Variants in RERE observed in about 807,000 individuals in gnomAD.
RERE encodes arginine-glutamic acid dipeptide repeats protein.
A neutral mutation model predicts 146.1 loss-of-function variants in RERE; 40 were observed. The ratio of observed to expected loss-of-function variants is 0.27; its 90% CI spans 0.21 to 0.36. The LOEUF is 0.36. Ranked by LOEUF, RERE falls within the 10% of genes least tolerant of loss-of-function variation. The pLI, the probability that RERE is intolerant of heterozygous loss-of-function variation, is 1.00. For synonymous variants in RERE, 1,003 were observed against 866.0 expected, an observed-to-expected ratio of 1.16 and a Z score of -2.78; for missense variants, 1,933 against 2,138.7, an observed-to-expected ratio of 0.90 and a Z score of 1.90.
At chr1:8,398,129 A>C (rs1039088668) in intron 12 of RERE, among the ~76,000 whole-genome samples, 1 of 152,248 alleles carries the variant, frequency 6.6e-6, no homozygotes, top group Admixed American at 6.5e-5. Context: ...GAAGGAAATT[A>C]AGTTTAAAAA....
intron 1 of RERE, among the ~76,000 whole-genome samples, chr1:8,811,496 T>C (rs1641805651): frequency 6.6e-6 from 1 of 152,142 alleles, no homozygotes; most frequent in Non-Finnish European, 1.5e-5. Flanking sequence ...CAGTCCCAGC[T>C]ACTCGGGAGG....
At chr1:8,604,602 G>GGA (rs1557428933) in intron 4 of RERE, among the ~76,000 whole-genome samples, 2 of 78,320 alleles carry the variant, frequency 2.6e-5, no homozygotes. Context: ...GGAAGGAAGG[G>GGA]AGGGAGGGAG....
In RERE at chr1:8,744,093, G is replaced by C. The variant is rs1640371703; in HGVS notation, c.-145+73067C>G. ...AAATTAATCTTAATACTGATGCTGT[G>C]AAATGAAAAGCTCTCAAAGTGGGAG... On this transcript the variant is annotated intron_variant, in intron 1 of 22. Transcript: ENST00000400908. Among the ~76,000 whole-genome samples, 6 of 152,284 alleles carry C rather than the reference G, an allele frequency of 3.9e-5. No individual in the cohort carries two copies. The South Asian group carries it at 1.2e-3, about 32-fold the overall frequency.
intron 2 of RERE, among the ~76,000 whole-genome samples, chr1:8,637,088 C>T (rs1647111254): frequency 6.6e-6 from 1 of 151,920 alleles, no homozygotes; most frequent in East Asian, 1.9e-4. Flanking sequence ...ACAGAAAAAG[C>T]TAGGAACAGA....
At chr1:8,630,844 CTG>C (rs1296946305) in intron 2 of RERE, among the ~76,000 whole-genome samples, 2 of 152,216 alleles carry the variant, frequency 1.3e-5, no homozygotes, top group African/African-American at 4.8e-5. Flanking sequence ...TGTTTATCAA[CTG>C]TTATCAAAAT....
chr1:8,799,812 G>GT (rs1191943360), intron 1 of RERE, among the ~76,000 whole-genome samples: 4 of 142,698 alleles, frequency 2.8e-5, no homozygotes, highest in African/African-American at 7.3e-5. Flanking sequence ...TTTGGTTTTG[G>GT]TTTTTTTGCT....
At chr1:8,694,114 G>A (rs1470615334) in intron 1 of RERE, among the ~76,000 whole-genome samples, 1 of 150,450 alleles carries the variant, frequency 6.6e-6, no homozygotes, top group Non-Finnish European at 1.5e-5. Context: ...AAAGAGCCAG[G>A]AAGTGCTAGC....
chr1:8,757,058 C>A (rs754972329), intron 1 of RERE, among the ~76,000 whole-genome samples: 1 of 145,974 alleles, frequency 6.9e-6, no homozygotes, highest in Non-Finnish European at 1.5e-5. Flanking sequence ...CCATTGCACT[C>A]CAACCTGGGC....
At chr1:8,789,301 A>AAAAAAAAAAAAATAT in intron 1 of RERE, among the ~76,000 whole-genome samples, 9 of 24,804 alleles carry the variant, frequency 3.6e-4, no homozygotes, top group Middle Eastern at 0.021. Context: ...AAAAAAAAAA[A>AAAAAAAAAAAAATAT]ATATATATAT....
Position 8,770,963 on chromosome 1 carries a change from A to T in RERE, c.-145+46197T>A, listed in dbSNP as rs1034586631. Among the ~76,000 whole-genome samples the T allele has an allele frequency of 3.3e-5, 5 of 152,164 alleles. 1 individual carries two copies. The East Asian group carries it at 9.6e-4, about 29-fold the overall frequency. ...ACCTGTAATTATTAAAAAATAAACTATGTGTGCACCTATTTGGGGAAATGT... is the reference window on the plus strand; with the variant it reads ...ACCTGTAATTATTAAAAAATAAACTTTGTGTGCACCTATTTGGGGAAATGT... On this transcript the variant is annotated intron_variant, in intron 1 of 22. Transcript: ENST00000400908.
rs756553435 is a variant in RERE at position 8,361,814 on chromosome 1, G to A, written c.1965C>T (p.Ala655=). The part of the protein sequence containing the change: ...KSNKRQREKV[A]SDTEEADRTS... ...TCCTGTCAGCCTCCTCCGTATCAGAGGCCACCTTCTCCCGCTGGCGTTTGT... is the reference window on the plus strand; with the variant it reads ...TCCTGTCAGCCTCCTCCGTATCAGAAGCCACCTTCTCCCGCTGGCGTTTGT... Residue 655 remains alanine (A), a synonymous_variant, in exon 17 of 23, where the codon GCC becomes GCT. Transcript: ENST00000400908. 7 of 1,614,124 alleles carry A rather than the reference G, an allele frequency of 4.3e-6. No individual in the cohort carries two copies. Among genetic ancestry groups the A allele is most frequent in the East Asian group, 2.2e-5 (1 of 44,886 alleles).
intron 3 of RERE, among the ~76,000 whole-genome samples, chr1:8,618,827 T>C (rs1316630003): frequency 2.6e-5 from 4 of 152,222 alleles, no homozygotes; most frequent in African/African-American, 9.6e-5. Flanking sequence ...TCTTGTTACT[T>C]TTAATCCATT....
At chr1:8,565,832 G>A (rs147899581) in intron 4 of RERE, among the ~76,000 whole-genome samples, 162 of 152,314 alleles carry the variant, frequency 1.1e-3, no homozygotes, top group African/African-American at 3.8e-3. Context: ...CTAAAGCAGA[G>A]TATACCACCA....
At position 8,364,661 on chromosome 1, in the gene RERE, G is replaced by T; in HGVS notation, c.1540+85C>A. ...TCAAATCAAGTACTGTCCCTGGCAG[G>T]TTTCCAGCTGGATGCATGAAATGTT... On this transcript the variant is annotated intron_variant, in intron 14 of 22. Coordinates refer to ENST00000400908, the MANE Select transcript of RERE (RefSeq NM_001042681.2). This position sits in a 1 kb window ranked among gnomAD's most constrained non-coding sequence, Gnocchi z 5.1. 1 of 961,586 alleles carries T rather than the reference G, an allele frequency of 1.0e-6. No homozygotes were observed. The highest frequency in any genetic ancestry group is 1.7e-6 in the Non-Finnish European group (1 of 595,460). The allele number at this position is 961,586 out of a possible 1,614,324, so 59.6% of individuals were successfully genotyped here.
intron 2 of RERE, among the ~76,000 whole-genome samples, chr1:8,653,856 A>G (rs1397124924): frequency 1.3e-5 from 2 of 152,166 alleles, no homozygotes; most frequent in African/African-American, 4.8e-5. Context: ...AAAGATAAAT[A>G]CAGACAGTAC....
chr1:8,632,766 T>C (rs1647049816), intron 2 of RERE, among the ~76,000 whole-genome samples: 1 of 152,244 alleles, frequency 6.6e-6, no homozygotes, highest in Non-Finnish European at 1.5e-5. Context: ...TTGTTAAGAC[T>C]AATGTACATA....
At chr1:8,815,244 T>C (rs777579233) in intron 1 of RERE, among the ~76,000 whole-genome samples, 1 of 152,140 alleles carries the variant, frequency 6.6e-6, no homozygotes, top group African/African-American at 2.4e-5. Context: ...AAAAACAACA[T>C]TGACAGCTCA....
In RERE at chr1:8,764,119, G is replaced by A. The variant is rs529624504; in HGVS notation, c.-145+53041C>T. Reference sequence around the variant, plus strand: ...TGCTTCTTATCAAGATGGTTCCCACGCTGTCTTCCCTTTCCCTCATCACTG... The same window carrying A: ...TGCTTCTTATCAAGATGGTTCCCACACTGTCTTCCCTTTCCCTCATCACTG... On this transcript the variant is annotated intron_variant, in intron 1 of 22. Coordinates refer to ENST00000400908, the MANE Select transcript of RERE (RefSeq NM_001042681.2). 7.2e-5 allele frequency among the ~76,000 whole-genome samples: 11 copies of A among 151,856 alleles called. No individual in the cohort carries two copies. In the South Asian group the frequency reaches 8.3e-4, roughly 11 times the overall value.
chr1:8,803,536 C>T (rs1641627833), intron 1 of RERE, among the ~76,000 whole-genome samples: 1 of 151,936 alleles, frequency 6.6e-6, no homozygotes. Context: ...TATTCCAAGG[C>T]TACATATAAT....
Sources: allele counts gnomAD v4.1 joint callset (sites outside exome capture counted in the v4.1 genomes callset), GRCh38; gene constraint gnomAD v4.1.1; non-coding constraint Gnocchi (gnomAD v3.1); transcripts MANE v1.5; gene names NCBI Gene and HGNC (gene_info 2026-07-23, HGNC 2026-07-21).